ENTREP2: variants seen among roughly 807,000 people sequenced by gnomAD.
The protein encoded by ENTREP2 is protein ENTREP2.
the ENTREP2 span, among the ~76,000 whole-genome samples, chr15:29,328,680 C>G: frequency 6.6e-6 from 1 of 152,186 alleles, no homozygotes; most frequent in Admixed American, 6.5e-5. Context: ...TATTTTGAAA[C>G]TGACCATTAA....
chr15:29,402,265 T>TATATATATATATATACAC, the ENTREP2 span, among the ~76,000 whole-genome samples: 7 of 137,854 alleles, frequency 5.1e-5, no homozygotes, highest in African/African-American at 1.3e-4. Context: ...TATATATATA[T>TATATATATATATATACAC]ACACACACAT....
chr15:29,485,741 G>A, the ENTREP2 span, among the ~76,000 whole-genome samples: 1 of 152,132 alleles, frequency 6.6e-6, no homozygotes, highest in African/African-American at 2.4e-5. Flanking sequence ...CAAATGGCCA[G>A]GAGATATATG....
chr15:29,269,896 C>A, the ENTREP2 span: 1 of 533,682 alleles, frequency 1.9e-6, no homozygotes. Flanking sequence ...GCGGCGGGTA[C>A]CAAAAGGAAC....
the ENTREP2 span, among the ~76,000 whole-genome samples, chr15:29,605,410 A>T: frequency 6.6e-6 from 1 of 152,212 alleles, no homozygotes; most frequent in African/African-American, 2.4e-5. Context: ...CTCTATGTGT[A>T]AATGTCAGTG....
the ENTREP2 span, among the ~76,000 whole-genome samples, chr15:29,659,472 A>G: frequency 9.2e-5 from 14 of 152,218 alleles, no homozygotes; most frequent in East Asian, 2.5e-3. Context: ...CTCCATCTCA[A>G]AAAAATAAAA....
At chr15:29,292,810 A>G in the ENTREP2 span, among the ~76,000 whole-genome samples, 1 of 152,234 alleles carries the variant, frequency 6.6e-6, no homozygotes, top group Admixed American at 6.5e-5. Flanking sequence ...AGAGGGCTAG[A>G]GAGAGGATAA....
chr15:29,122,893 T>C, the ENTREP2 span: 10 of 157,612 alleles, frequency 6.3e-5, no homozygotes, highest in Non-Finnish European at 7.0e-5. Context: ...GTTTCATGAC[T>C]CGATGTCACC....
At chr15:29,565,728 C>T in the ENTREP2 span, among the ~76,000 whole-genome samples, 1 of 152,126 alleles carries the variant, frequency 6.6e-6, no homozygotes, top group Non-Finnish European at 1.5e-5. Flanking sequence ...CTTTGGGAGG[C>T]TGAGGCAGGC....
the ENTREP2 span, chr15:29,252,537 G>A: frequency 1.1e-6 from 1 of 950,846 alleles, no homozygotes; most frequent in Admixed American, 2.2e-5. Flanking sequence ...AAGGAAAAAT[G>A]ACATGGCTTT....
the ENTREP2 span, among the ~76,000 whole-genome samples, chr15:29,166,468 C>T: frequency 6.6e-6 from 1 of 152,122 alleles, no homozygotes; most frequent in Non-Finnish European, 1.5e-5. Context: ...AAGAATTCAG[C>T]AAAATTTCCA....
At chr15:29,408,898 T>C in the ENTREP2 span, among the ~76,000 whole-genome samples, 1 of 152,208 alleles carries the variant, frequency 6.6e-6, no homozygotes, top group South Asian at 2.1e-4. Flanking sequence ...AACCATGACA[T>C]TTTAAGTTTT....
the ENTREP2 span, among the ~76,000 whole-genome samples, chr15:29,606,146 C>T: frequency 6.6e-6 from 1 of 151,920 alleles, no homozygotes; most frequent in Admixed American, 6.6e-5. Context: ...TATATGGTTC[C>T]TCCTCCATCC....
chr15:29,554,947 G>A, the ENTREP2 span, among the ~76,000 whole-genome samples: 3 of 152,178 alleles, frequency 2.0e-5, no homozygotes, highest in Non-Finnish European at 2.9e-5. Flanking sequence ...ACACAAAAAT[G>A]TCAGCTCAAT....
the ENTREP2 span, among the ~76,000 whole-genome samples, chr15:29,469,494 C>T: frequency 6.6e-6 from 1 of 152,228 alleles, no homozygotes; most frequent in Non-Finnish European, 1.5e-5. Flanking sequence ...GCCACCACTC[C>T]CAGCCGCATG....
the ENTREP2 span, among the ~76,000 whole-genome samples, chr15:29,232,181 G>A: frequency 5.3e-5 from 8 of 152,062 alleles, no homozygotes; most frequent in South Asian, 6.2e-4. Flanking sequence ...GTGAGCCACC[G>A]CTCCTGGCCC....
the ENTREP2 span, among the ~76,000 whole-genome samples, chr15:29,351,421 C>A: frequency 6.6e-6 from 1 of 151,938 alleles, no homozygotes; most frequent in Non-Finnish European, 1.5e-5. Context: ...TTTTTGTAAT[C>A]AATAATAACA....
chr15:29,385,037 G>C, the ENTREP2 span, among the ~76,000 whole-genome samples: 2 of 152,090 alleles, frequency 1.3e-5, no homozygotes, highest in African/African-American at 4.8e-5. Context: ...CACTCACGAA[G>C]AGCCTAGGAA....
the ENTREP2 span, among the ~76,000 whole-genome samples, chr15:29,567,227 C>T: frequency 2.0e-5 from 3 of 152,182 alleles, no homozygotes; most frequent in Non-Finnish European, 4.4e-5. Flanking sequence ...GACCTCCGGC[C>T]AGGCCTGACA....
chr15:29,161,420 G>T, the ENTREP2 span, among the ~76,000 whole-genome samples: 3 of 152,294 alleles, frequency 2.0e-5, no homozygotes, highest in African/African-American at 7.2e-5. Context: ...TCTGGCTACT[G>T]CTTTTGCCAT....
Sources: allele counts gnomAD v4.1 joint callset (sites outside exome capture counted in the v4.1 genomes callset), GRCh38; gene constraint gnomAD v4.1.1; transcripts MANE v1.5; gene names NCBI Gene and HGNC (gene_info 2026-07-23, HGNC 2026-07-21).